ENOX2: variants seen among roughly 807,000 people sequenced by gnomAD.
The protein encoded by ENOX2 is ecto-NOX disulfide-thiol exchanger 2, also known as APK1 antigen.
A neutral mutation model predicts 45.0 loss-of-function variants in ENOX2; 36 were observed. The observed-to-expected ratio is 0.80, with a 90% CI of 0.61 to 1.06. The LOEUF (loss-of-function observed/expected upper bound fraction) is 1.06. ENOX2 is among the 50% of genes least tolerant of loss of function. The pLI is 0.00. For synonymous variants in ENOX2, 174 were observed against 152.3 expected, an observed-to-expected ratio of 1.14 and a Z score of -1.05; for missense variants, 423 against 462.5, an observed-to-expected ratio of 0.91 and a Z score of 0.78.
At chrX:130,852,061 G>A (rs1008227927) in intron 2 of ENOX2, among the ~76,000 whole-genome samples, 2 of 111,247 alleles carry the variant, frequency 1.8e-5, no homozygotes, top group African/African-American at 6.5e-5. Context: ...CCTATCCTAG[G>A]ACAAGAAATA....
intron 2 of ENOX2, among the ~76,000 whole-genome samples, chrX:130,800,634 G>T (rs2077201801): frequency 9.0e-6 from 1 of 111,664 alleles, no homozygotes; most frequent in South Asian, 3.8e-4. Flanking sequence ...GTGACAACCT[G>T]ATTTGTACAT....
intron 4 of ENOX2, among the ~76,000 whole-genome samples, chrX:130,698,858 GAC>G (rs1192664104): frequency 8.9e-6 from 1 of 111,866 alleles, no homozygotes; most frequent in Admixed American, 9.5e-5. Context: ...TTATGGAGCA[GAC>G]ACAGTCAATA....
Position 130,727,197 on chromosome X carries a change from C to T in ENOX2, c.-38-23943G>A, listed in dbSNP as rs140994359. ...ATAAGCACTATGCATTTAATCCTCA[C>T]AACAACATTATGAGACAGGTATTAC... On this transcript the variant is annotated intron_variant, in intron 3 of 14. Coordinates refer to ENST00000394363, the MANE Select transcript of ENOX2 (RefSeq NM_006375.4). 4.1e-4 allele frequency among the ~76,000 whole-genome samples: 46 copies of T among 112,341 alleles called. 1 individual carries two copies. The East Asian group carries it at 0.012, about 30-fold the overall frequency.
chrX:130,740,439 A>G (rs1009067277), intron 3 of ENOX2, among the ~76,000 whole-genome samples: 1 of 111,459 alleles, frequency 9.0e-6, no homozygotes, highest in African/African-American at 3.3e-5. Flanking sequence ...TAAATAGTGT[A>G]TAATGAAGGG....
At chrX:130,687,028 G>C (rs987938886) in intron 5 of ENOX2, among the ~76,000 whole-genome samples, 1 of 111,496 alleles carries the variant, frequency 9.0e-6, no homozygotes, top group Non-Finnish European at 1.9e-5. Flanking sequence ...AACTGTAGAG[G>C]CATGGCTGCA....
intron 2 of ENOX2, among the ~76,000 whole-genome samples, chrX:130,887,153 AAAAG>A (rs2148583173): frequency 8.9e-6 from 1 of 111,919 alleles, no homozygotes; most frequent in East Asian, 2.8e-4. Flanking sequence ...AAGGAAAAAT[AAAAG>A]AAAGAAATGC....
intron 13 of ENOX2, among the ~76,000 whole-genome samples, chrX:130,631,207 C>T (rs901643434): frequency 1.8e-5 from 2 of 111,298 alleles, no homozygotes; most frequent in Non-Finnish European, 3.8e-5. Context: ...CTCCAGCTGA[C>T]CCCTCTTAGC....
intron 3 of ENOX2, among the ~76,000 whole-genome samples, chrX:130,709,546 C>T (rs888671843): frequency 4.9e-5 from 5 of 102,348 alleles, no homozygotes; most frequent in Non-Finnish European, 7.8e-5. Context: ...GGCTGAGGCA[C>T]GAGAATCACT....
chrX:130,777,134 T>C (rs148474369), intron 3 of ENOX2, among the ~76,000 whole-genome samples: 57 of 111,739 alleles, frequency 5.1e-4, no homozygotes, highest in African/African-American at 1.8e-3. Context: ...CTAGTTCTCA[T>C]TCTGCCATGA....
intron 4 of ENOX2, among the ~76,000 whole-genome samples, chrX:130,696,035 A>G (rs1051939200): frequency 6.3e-5 from 7 of 111,568 alleles, no homozygotes; most frequent in African/African-American, 2.3e-4. Context: ...CCGTTTCCCC[A>G]AAAGATCATC....
intron 2 of ENOX2, among the ~76,000 whole-genome samples, chrX:130,855,677 C>G (rs2078294428): frequency 9.0e-6 from 1 of 110,971 alleles, no homozygotes; most frequent in Non-Finnish European, 1.9e-5. Context: ...TTGCTCTAGA[C>G]ATGACACCAA....
chrX:130,807,030 G>A (rs907991737), intron 2 of ENOX2, among the ~76,000 whole-genome samples: 4 of 111,841 alleles, frequency 3.6e-5, no homozygotes, highest in African/African-American at 1.3e-4. Context: ...AATATAGCAT[G>A]CTACTTCTCC....
At chrX:130,821,742 T>TAAAAAAAAAAAAAA in intron 2 of ENOX2, among the ~76,000 whole-genome samples, 18 of 23,166 alleles carry the variant, frequency 7.8e-4, no homozygotes, top group Non-Finnish European at 1.3e-3. Flanking sequence ...ATAAATAAAT[T>TAAAAAAAAAAAAAA]AAAAAAAAAA....
Position 130,723,935 on chromosome X carries a change from A to G in ENOX2, c.-38-20681T>C, listed in dbSNP as rs73635943. On this transcript the variant is annotated intron_variant, in intron 3 of 14. Coordinates refer to ENST00000394363, the MANE Select transcript of ENOX2 (RefSeq NM_006375.4). ...AATAAAAACTTTGATGGCAGGGATG[A>G]CGCCTAATATACTGTCAAATTACCC... is the stretch of plus-strand genomic sequence containing the variant. Among the ~76,000 whole-genome samples, 1,016 of 111,735 alleles carry G rather than the reference A, an allele frequency of 9.1e-3. 15 individuals are homozygous for G. Among genetic ancestry groups the G allele is most frequent in the African/African-American group, 0.032 (972 of 30,703 alleles).
chrX:130,875,398 G>A (rs975974864), intron 2 of ENOX2, among the ~76,000 whole-genome samples: 47 of 111,004 alleles, frequency 4.2e-4, no homozygotes, highest in African/African-American at 1.5e-3. Flanking sequence ...TCAAAAGAGT[G>A]TGGTACTGAC....
Position 130,854,947 on chromosome X carries a change from C to T in ENOX2, c.-183+46737G>A, listed in dbSNP as rs1262664179. ...GGTTAAAAGCATCTACAAAAAAAAT[C>T]TATAGCTAACATCTTGGTGAAAGAC... On this transcript the variant is annotated intron_variant, in intron 2 of 14. Coordinates refer to ENST00000394363, the MANE Select transcript of ENOX2 (RefSeq NM_006375.4). Among the ~76,000 whole-genome samples, 7 of 111,771 alleles carry T rather than the reference C, an allele frequency of 6.3e-5. No individual in the cohort carries two copies. The East Asian group carries it at 1.1e-3, about 18-fold the overall frequency.
chrX:130,782,316 TAGGC>T (rs2076909614), intron 3 of ENOX2, among the ~76,000 whole-genome samples: 2 of 111,830 alleles, frequency 1.8e-5, no homozygotes, highest in African/African-American at 6.5e-5. Context: ...TCCTAAGACA[TAGGC>T]TTTAGTATCA....
chrX:130,710,426 C>G (rs2038160064), intron 3 of ENOX2, among the ~76,000 whole-genome samples: 1 of 112,107 alleles, frequency 8.9e-6, no homozygotes, highest in Non-Finnish European at 1.9e-5. Flanking sequence ...GTTTGCCCCA[C>G]AGGGGACATT....
chrX:130,895,098 A>G (rs191560709), intron 2 of ENOX2, among the ~76,000 whole-genome samples: 1 of 111,669 alleles, frequency 9.0e-6, no homozygotes, highest in Non-Finnish European at 1.9e-5. Context: ...CCCCTATTAG[A>G]CTGTGAGCTC....
Sources: gnomAD v4.1 joint callset for allele counts (sites outside exome capture counted in the v4.1 genomes callset) on GRCh38, gnomAD v4.1.1 for gene constraint, MANE v1.5 for transcripts, NCBI Gene and HGNC (gene_info 2026-07-23, HGNC 2026-07-21) for gene names.